Variants in GAS7 observed in about 807,000 individuals in gnomAD.
GAS7 encodes growth arrest-specific protein 7.
GAS7 carries 28 observed loss-of-function variants against 71.1 expected under a neutral mutation model. The ratio of observed to expected loss-of-function variants is 0.39; its 90% CI spans 0.29 to 0.54. The LOEUF (loss-of-function observed/expected upper bound fraction) is 0.54. Ranked by LOEUF, GAS7 falls within the 20% of genes least tolerant of loss-of-function variation. The pLI, the probability that GAS7 is intolerant of heterozygous loss-of-function variation, is 0.62. For synonymous variants in GAS7, 258 were observed against 245.8 expected (o/e 1.05, Z -0.46); for missense variants, 436 against 627.8 (o/e 0.69, Z 3.27).
intron 1 of GAS7, among the ~76,000 whole-genome samples, chr17:10,128,594 T>C (rs957251604): frequency 6.6e-6 from 1 of 152,020 alleles, no homozygotes; most frequent in Non-Finnish European, 1.5e-5. Context: ...GTTTTCATTT[T>C]CAGTGAAATA....
intron 2 of GAS7, among the ~76,000 whole-genome samples, chr17:9,997,024 C>G (rs1488423152): frequency 6.6e-6 from 1 of 152,018 alleles, no homozygotes; most frequent in African/African-American, 2.4e-5. Context: ...GGTGTAGGAA[C>G]AGAGAGACAG....
At chr17:9,998,722 A>G (rs2071147378) in intron 2 of GAS7, among the ~76,000 whole-genome samples, 1 of 152,146 alleles carries the variant, frequency 6.6e-6, no homozygotes, top group Non-Finnish European at 1.5e-5. Context: ...GGGAAGGAAA[A>G]GAAGTAGCAT....
chr17:9,940,083 AC>A (rs747260039), intron 8 of GAS7, 42 bp downstream of exon 8: 4 of 1,052,468 alleles, frequency 3.8e-6, no homozygotes, highest in East Asian at 2.4e-5. Flanking sequence ...TTCCTCAGTG[AC>A]CCCCCATCCT....
chr17:10,096,111 A>G (rs930604545), intron 1 of GAS7, among the ~76,000 whole-genome samples: 5 of 152,076 alleles, frequency 3.3e-5, no homozygotes, highest in Non-Finnish European at 5.9e-5. Context: ...CAAGGCCCCA[A>G]CTTGTCTGAT....
chr17:10,022,377 C>G lies in GAS7; in HGVS notation c.184-2480G>C, dbSNP rs551468253. 2.6e-5 allele frequency among the ~76,000 whole-genome samples: 4 copies of G among 152,320 alleles called. No individual in the cohort carries two copies. In the East Asian group the frequency reaches 7.7e-4, roughly 29 times the overall value. The stretch of plus-strand genomic sequence containing the variant: ...GAAATATTCTAGTTTCTCCTTCAAT[C>G]AAACATGGGAAAGCCATATTGGTAC... On this transcript the variant is annotated intron_variant, in intron 1 of 13. Coordinates refer to ENST00000432992, the MANE Select transcript of GAS7 (RefSeq NM_201433.2).
intron 1 of GAS7, among the ~76,000 whole-genome samples, chr17:10,144,481 G>A (rs1178479421): frequency 6.6e-6 from 1 of 152,220 alleles, no homozygotes; most frequent in Non-Finnish European, 1.5e-5. Context: ...CAGATCCCCA[G>A]TATCAGGTAA....
chr17:9,990,599 G>A (rs968783925), intron 2 of GAS7, among the ~76,000 whole-genome samples: 2 of 152,338 alleles, frequency 1.3e-5, no homozygotes, highest in South Asian at 2.1e-4. Flanking sequence ...ATATCTGAGG[G>A]AAGAGAATCC....
At chr17:9,967,362 A>G (rs1304857196) in intron 4 of GAS7, among the ~76,000 whole-genome samples, 1 of 152,158 alleles carries the variant, frequency 6.6e-6, no homozygotes, top group Non-Finnish European at 1.5e-5. Context: ...GTGGTGTCCC[A>G]TGCCTTGCGA....
chr17:9,919,478 T>C lies in GAS7; in HGVS notation c.1218+148A>G. The C allele has an allele frequency of 5.6e-6, 4 of 717,082 alleles. No homozygotes were observed. Among genetic ancestry groups the C allele is most frequent in the Non-Finnish European group, 2.6e-6 (1 of 390,904 alleles). 44.4% of individuals were successfully genotyped at this position (717,082 alleles called of 1,614,324 possible). ...CTGAATCCACATAAGCTGGCTCACA[T>C]TGAGGTTTCGACCCCAACACTGAAG... On this transcript the variant is annotated intron_variant, in intron 12 of 13. Transcript: ENST00000432992. This position sits in a 1 kb window ranked among gnomAD's most constrained non-coding sequence, Gnocchi z 5.0.
At chr17:10,148,320 T>C (rs2074136628) in intron 1 of GAS7, among the ~76,000 whole-genome samples, 1 of 151,942 alleles carries the variant, frequency 6.6e-6, no homozygotes, top group South Asian at 2.1e-4. Flanking sequence ...GAATCCTCTC[T>C]CAGTTAAGAG....
intron 2 of GAS7, among the ~76,000 whole-genome samples, chr17:9,992,825 A>G (rs1439395366): frequency 3.4e-5 from 5 of 147,014 alleles, no homozygotes; most frequent in East Asian, 4.0e-4. Flanking sequence ...TCATTGTTCA[A>G]TTCCCACCTA....
chr17:10,121,988 G>A (rs192256076), intron 1 of GAS7, among the ~76,000 whole-genome samples: 2 of 152,154 alleles, frequency 1.3e-5, no homozygotes, highest in East Asian at 1.9e-4. Context: ...CACGTGCCTC[G>A]CCTCCAACAA....
At chr17:10,179,119 C>T (rs920031050) in intron 1 of GAS7, among the ~76,000 whole-genome samples, 1 of 151,980 alleles carries the variant, frequency 6.6e-6, no homozygotes, top group South Asian at 2.1e-4. Context: ...CACCTGAGGT[C>T]GGGAGTTCGA....
intron 1 of GAS7, among the ~76,000 whole-genome samples, chr17:10,179,624 T>C (rs2074399404): frequency 6.6e-6 from 1 of 152,134 alleles, no homozygotes; most frequent in South Asian, 2.1e-4. Context: ...AAATACACTA[T>C]AACAAACTCA....
At chr17:9,996,327 A>C (rs1429344191) in intron 2 of GAS7, among the ~76,000 whole-genome samples, 1 of 151,584 alleles carries the variant, frequency 6.6e-6, no homozygotes, top group Non-Finnish European at 1.5e-5. Flanking sequence ...AAGGACAGAA[A>C]ACCAAACACC....
chr17:9,930,838 C>T (rs1008193513), intron 9 of GAS7, among the ~76,000 whole-genome samples: 7 of 152,220 alleles, frequency 4.6e-5, no homozygotes, highest in East Asian at 1.9e-4. Context: ...TAGGCTGCTG[C>T]GATGACCGCT....
Position 10,157,714 on chromosome 17 carries a change from G to A in GAS7, c.183+40494C>T, listed in dbSNP as rs571008735. On this transcript the variant is annotated intron_variant, in intron 1 of 13. Coordinates refer to ENST00000432992, the MANE Select transcript of GAS7 (RefSeq NM_201433.2). Reference sequence around the variant, plus strand: ...ACATGAATATACCCTTGGTCCTCCCGTCAGTCAACTGGACTCTTCACCCTC... The same window carrying A: ...ACATGAATATACCCTTGGTCCTCCCATCAGTCAACTGGACTCTTCACCCTC... Among the ~76,000 whole-genome samples, 6 of 152,218 alleles carry A rather than the reference G, an allele frequency of 3.9e-5. No individual in the cohort carries two copies. The East Asian group carries it at 5.8e-4, about 15-fold the overall frequency.
chr17:9,952,278 G>A (rs1444617748), intron 5 of GAS7, among the ~76,000 whole-genome samples: 1 of 152,220 alleles, frequency 6.6e-6, no homozygotes, highest in African/African-American at 2.4e-5. Flanking sequence ...GACAGGGACA[G>A]CCCCTGGGGG....
At chr17:10,175,159 C>G (rs544525810) in intron 1 of GAS7, among the ~76,000 whole-genome samples, 1 of 151,108 alleles carries the variant, frequency 6.6e-6, no homozygotes, top group East Asian at 1.9e-4. Flanking sequence ...AGTTCACATT[C>G]TAATGATAAT....
Sources: allele counts gnomAD v4.1 joint callset (sites outside exome capture counted in the v4.1 genomes callset), GRCh38; gene constraint gnomAD v4.1.1; non-coding constraint Gnocchi (gnomAD v3.1); transcripts MANE v1.5; gene names NCBI Gene and HGNC (gene_info 2026-07-23, HGNC 2026-07-21).